LUC7L3: variants seen among roughly 807,000 people sequenced by gnomAD.
LUC7L3 encodes LUC7 like 3 pre-mRNA splicing factor, also known as luc7-like protein 3.
In LUC7L3, 6 loss-of-function variants were observed where a neutral mutation model predicts 66.8. The observed-to-expected ratio is 0.09, with a 90% CI of 0.05 to 0.18. The LOEUF is 0.18. LUC7L3 is among the 10% of genes least tolerant of loss of function. The pLI is 1.00. For missense variants in LUC7L3, 341 were observed against 531.1 expected, an observed-to-expected ratio of 0.64 and a Z score of 3.52; for synonymous variants, 160 against 174.7, an observed-to-expected ratio of 0.92 and a Z score of 0.66.
In LUC7L3 at chr17:50,741,717, G is replaced by A; in HGVS notation, c.412G>A (p.Val138Ile). The change falls in exon 5 of 10, where the codon GTA becomes ATA. Residue 138 changes from valine (V) to isoleucine (I), a missense_variant. This residue lies in a region of LUC7L3 where 86 missense variants were observed against 172.0 expected (regional missense o/e 0.50). Coordinates refer to ENST00000505658, the MANE Select transcript of LUC7L3 (RefSeq NM_016424.5). ...TCAGGTTCTAACAGACAAAATTGAT[G>A]TACTTCTGCAACAGGTGAGAATTGT... ...KIQVLTDKID[V>I]LLQQIEELGS... The A allele has an allele frequency of 6.2e-7, 1 of 1,613,450 alleles. No homozygotes were observed. The highest frequency in any genetic ancestry group is 1.1e-5 in the South Asian group (1 of 91,052).
chr17:50,739,219 A>G (rs1430873372), intron 2 of LUC7L3, among the ~76,000 whole-genome samples: 2 of 152,252 alleles, frequency 1.3e-5, no homozygotes, highest in Admixed American at 6.5e-5. Flanking sequence ...TAGTGAGCTT[A>G]GAAAATAAGT....
chr17:50,741,072 A>C, intron 3 of LUC7L3, 30 bp from the exon 4 acceptor site: 1 of 1,611,940 alleles, frequency 6.2e-7, no homozygotes, highest in African/African-American at 1.3e-5. Context: ...AGATTTGGAA[A>C]TGAGTACTTG....
At position 50,751,268 on chromosome 17, in the gene LUC7L3, A is replaced by T. The variant is rs1411264161; in HGVS notation, c.*607A>T. On this transcript the variant is annotated 3_prime_UTR_variant, in exon 10 of 10. Transcript: ENST00000505658. ...GATGGAAGTGTAGGGTTTATGAATTATTGCAGCTGACTACCATACCTCACA... is the reference window on the plus strand; with the variant it reads ...GATGGAAGTGTAGGGTTTATGAATTTTTGCAGCTGACTACCATACCTCACA... 15 of 1,345,400 alleles carry T rather than the reference A, an allele frequency of 1.1e-5. No homozygotes were observed. The highest frequency in any genetic ancestry group is 1.2e-5 in the Non-Finnish European group (12 of 1,025,894). The allele number at this position is 1,345,400 out of a possible 1,614,324, so 83.3% of individuals were successfully genotyped here. A position where few individuals can be genotyped will look rare whatever the true frequency, so the allele number is the denominator to read the frequency against.
chr17:50,722,188 A>ATTTTTTTT (rs1371025266), intron 1 of LUC7L3: 4 of 66,296 alleles, frequency 6.0e-5, no homozygotes, highest in South Asian at 4.3e-4. Flanking sequence ...CCTCTTATGC[A>ATTTTTTTT]TTCTTTTTTT....
intron 6 of LUC7L3, 39 bp from the exon 7 acceptor site, chr17:50,744,613 T>A: frequency 1.3e-6 from 2 of 1,575,054 alleles, no homozygotes. Context: ...TTGTTTCTCT[T>A]CCTCAGATGT....
intron 1 of LUC7L3, among the ~76,000 whole-genome samples, chr17:50,728,592 G>A (rs562560614): frequency 6.6e-6 from 1 of 152,142 alleles, no homozygotes; most frequent in Non-Finnish European, 1.5e-5. Context: ...TTGATCTGTT[G>A]TCTAGGCCGG....
chr17:50,744,088 A>G (rs556183663), intron 6 of LUC7L3, among the ~76,000 whole-genome samples: 2 of 152,376 alleles, frequency 1.3e-5, no homozygotes, highest in East Asian at 3.9e-4. Flanking sequence ...AAATTTTCAT[A>G]TGAGCCTGGT....
intron 9 of LUC7L3, among the ~76,000 whole-genome samples, 165 bp downstream of exon 9, chr17:50,746,867 A>G (rs1169576829): frequency 6.6e-6 from 1 of 152,206 alleles, no homozygotes; most frequent in Non-Finnish European, 1.5e-5. Flanking sequence ...TCTCCTACTT[A>G]GATTTGTGAA....
rs775889149 is a variant in LUC7L3 at position 50,751,083 on chromosome 17, T to C, written c.*422T>C. On this transcript the variant is annotated 3_prime_UTR_variant, in exon 10 of 10. Coordinates refer to ENST00000505658, the MANE Select transcript of LUC7L3 (RefSeq NM_016424.5). ...GTGTTGGTACATTGGCAGAGACATA[T>C]GCTTTAAAAACTTAAATATTTCGGA... 55 of 1,442,766 alleles carry C rather than the reference T, an allele frequency of 3.8e-5. No homozygotes were observed. The highest frequency in any genetic ancestry group is 4.5e-5 in the Non-Finnish European group (50 of 1,106,276). 89.4% of individuals were successfully genotyped at this position (1,442,766 alleles called of 1,614,324 possible).
chr17:50,743,670 GA>G, intron 5 of LUC7L3, 35 bp from the exon 6 acceptor site: 3 of 1,340,252 alleles, frequency 2.2e-6, no homozygotes, highest in Non-Finnish European at 3.2e-6. Flanking sequence ...GGGTTTGAAA[GA>G]AATCTTAACT....
At chr17:50,729,899 T>C (rs1436093028) in intron 1 of LUC7L3, among the ~76,000 whole-genome samples, 8 of 14,254 alleles carry the variant, frequency 5.6e-4, no homozygotes, top group Non-Finnish European at 2.1e-3. Flanking sequence ...AAATACATTA[T>C]ATATATATAT....
chr17:50,748,919 T>C (rs1970845589), intron 9 of LUC7L3, among the ~76,000 whole-genome samples: 2 of 151,986 alleles, frequency 1.3e-5, no homozygotes, highest in African/African-American at 2.4e-5. Flanking sequence ...GAAACTACCA[T>C]GTAGCCATCT....
chr17:50,727,974 G>GTGGTGTGGTGGCAGGCGCC (rs1969309025), intron 1 of LUC7L3, among the ~76,000 whole-genome samples: 3 of 151,432 alleles, frequency 2.0e-5, no homozygotes, highest in Admixed American at 6.6e-5. Context: ...TTAGCTGGGC[G>GTGGTGTGGTGGCAGGCGCC]TGGTGTGGTG....
intron 1 of LUC7L3, among the ~76,000 whole-genome samples, chr17:50,730,624 A>G (rs745529288): frequency 6.6e-6 from 1 of 151,862 alleles, no homozygotes; most frequent in Non-Finnish European, 1.5e-5. Flanking sequence ...CTAAGTAGAT[A>G]TAGAAAGACA....
intron 1 of LUC7L3, 196 bp from the exon 2 acceptor site, chr17:50,736,764 C>G: frequency 1.8e-6 from 1 of 542,898 alleles, no homozygotes; most frequent in South Asian, 2.3e-5. Flanking sequence ...AATACGAGTA[C>G]TGCAGATTTA....
intron 1 of LUC7L3, among the ~76,000 whole-genome samples, chr17:50,730,562 A>G (rs1969535148): frequency 6.7e-6 from 1 of 148,882 alleles, no homozygotes; most frequent in Middle Eastern, 3.6e-3. Flanking sequence ...TGCAGACAGC[A>G]TTGAAAATAT....
chr17:50,751,640 AATTCTC>A lies in LUC7L3; in HGVS notation c.*981_*986del, dbSNP rs1970978958. Reference sequence around the variant, plus strand: ...TTATTCGCCTTGTTACACTCAATGCAATTCTCAAGTCTATAAGAGGTATGTGCTTAA... The same window carrying A: ...TTATTCGCCTTGTTACACTCAATGCAAAGTCTATAAGAGGTATGTGCTTAA... On this transcript the variant is annotated 3_prime_UTR_variant, in exon 10 of 10. Transcript: ENST00000505658. 1 of 1,118,606 alleles carries A rather than the reference AATTCTC, an allele frequency of 8.9e-7. No individual in the cohort carries two copies. Among genetic ancestry groups the A allele is most frequent in the Non-Finnish European group, 1.1e-6 (1 of 905,344 alleles). The allele number at this position is 1,118,606 out of a possible 1,614,324, so 69.3% of individuals were successfully genotyped here.
intron 2 of LUC7L3, chr17:50,737,976 A>G (rs896435141): frequency 1.5e-5 from 5 of 323,120 alleles, no homozygotes; most frequent in Non-Finnish European, 3.0e-5. Context: ...TTAGGAGCAT[A>G]TTAAGGCAGG....
intron 9 of LUC7L3, among the ~76,000 whole-genome samples, chr17:50,747,984 T>C (rs1970780909): frequency 6.6e-6 from 1 of 152,252 alleles, no homozygotes. Flanking sequence ...AATGTCTTTT[T>C]GGGTTGAGAG....
Sources: allele counts gnomAD v4.1 joint callset (sites outside exome capture counted in the v4.1 genomes callset), GRCh38; gene constraint gnomAD v4.1.1; regional missense constraint gnomAD v4.1.1; transcripts MANE v1.5; gene names NCBI Gene and HGNC (gene_info 2026-07-23, HGNC 2026-07-21).